RNF130: variants seen among roughly 807,000 people sequenced by gnomAD.
The protein encoded by RNF130 is E3 ubiquitin-protein ligase RNF130.
RNF130 carries 21 observed loss-of-function variants against 44.6 expected under a neutral mutation model. The ratio of observed to expected loss-of-function variants is 0.47; its 90% CI spans 0.33 to 0.68. RNF130 has a LOEUF of 0.68. Ranked by LOEUF, RNF130 falls within the 30% of genes least tolerant of loss-of-function variation. The probability of loss-of-function intolerance (pLI) is 0.02; values close to 1 mark genes in which losing one functional copy is unlikely to be tolerated. For missense variants in RNF130, 479 were observed against 560.6 expected, an observed-to-expected ratio of 0.85 and a Z score of 1.47; for synonymous variants, 214 against 210.4, an observed-to-expected ratio of 1.02 and a Z score of -0.15.
At chr5:179,939,751 A>AC (rs1163345063) in intron 7 of RNF130, 11 of 439,816 alleles carry the variant, frequency 2.5e-5, no homozygotes, top group African/African-American at 2.1e-4. Flanking sequence ...GAGAAAAACG[A>AC]CCCCCTCCCT....
intron 2 of RNF130, among the ~76,000 whole-genome samples, chr5:180,032,698 GTCCTTC>G (rs1441837096): frequency 6.6e-6 from 1 of 152,186 alleles, no homozygotes; most frequent in Non-Finnish European, 1.5e-5. Flanking sequence ...CTATATGCCT[GTCCTTC>G]TACCAATACC....
At chr5:179,993,844 T>C (rs982815589) in intron 3 of RNF130, among the ~76,000 whole-genome samples, 1 of 152,192 alleles carries the variant, frequency 6.6e-6, no homozygotes, top group South Asian at 2.1e-4. Context: ...TCTTTTAGGG[T>C]TTTTATGGTT....
intron 5 of RNF130, among the ~76,000 whole-genome samples, chr5:179,974,937 G>A (rs768681078): frequency 1.1e-4 from 17 of 152,244 alleles, no homozygotes; most frequent in Admixed American, 6.5e-4. Flanking sequence ...GCTTCCTCTG[G>A]GCAGTCAATG....
At chr5:180,021,719 T>C in intron 2 of RNF130, among the ~76,000 whole-genome samples, 1 of 152,192 alleles carries the variant, frequency 6.6e-6, no homozygotes, top group African/African-American at 2.4e-5. Context: ...AGTAAGTTCC[T>C]GGCATGATGC....
intron 1 of RNF130, among the ~76,000 whole-genome samples, chr5:180,061,042 G>A (rs1457497038): frequency 8.1e-6 from 1 of 123,904 alleles, no homozygotes; most frequent in African/African-American, 3.1e-5. Context: ...CTGCACTCCA[G>A]CCTGGGCGAC....
intron 3 of RNF130, among the ~76,000 whole-genome samples, chr5:179,984,431 A>C (rs1453390623): frequency 6.6e-6 from 1 of 152,186 alleles, no homozygotes; most frequent in Non-Finnish European, 1.5e-5. Context: ...TAGATGCCCT[A>C]ATAGTTTGAG....
intron 2 of RNF130, among the ~76,000 whole-genome samples, chr5:180,021,958 C>T (rs775037559): frequency 4.1e-4 from 63 of 152,284 alleles, no homozygotes; most frequent in African/African-American, 1.4e-3. Flanking sequence ...AACTGTCTCT[C>T]GGTCTTTCTT....
intron 2 of RNF130, among the ~76,000 whole-genome samples, chr5:180,036,192 T>C (rs1450055911): frequency 6.6e-6 from 1 of 152,184 alleles, no homozygotes; most frequent in African/African-American, 2.4e-5. Context: ...TGTCTGCTTG[T>C]TCACTTTTGT....
At chr5:179,976,526 C>G (rs1456101471) in intron 5 of RNF130, among the ~76,000 whole-genome samples, 1 of 152,156 alleles carries the variant, frequency 6.6e-6, no homozygotes, top group Non-Finnish European at 1.5e-5. Context: ...ACGTTTAGAC[C>G]GTCAATGACT....
At chr5:180,066,497 T>C (rs1765110068) in intron 1 of RNF130, among the ~76,000 whole-genome samples, 1 of 152,182 alleles carries the variant, frequency 6.6e-6, no homozygotes, top group Admixed American at 6.5e-5. Flanking sequence ...AGAACAACAC[T>C]GTCCCTCATG....
At chr5:179,922,953 C>G (rs1440626444) in intron 7 of RNF130, among the ~76,000 whole-genome samples, 1 of 152,108 alleles carries the variant, frequency 6.6e-6, no homozygotes, top group Admixed American at 6.6e-5. Flanking sequence ...CGATACAAGT[C>G]TTGCCAGACA....
chr5:180,059,279 C>T (rs941899285), intron 1 of RNF130, among the ~76,000 whole-genome samples: 3 of 152,162 alleles, frequency 2.0e-5, no homozygotes, highest in Admixed American at 6.5e-5. Flanking sequence ...TCTTCAGGGA[C>T]GCCTTGACCA....
intron 2 of RNF130, among the ~76,000 whole-genome samples, chr5:180,016,003 C>T (rs1370260322): frequency 6.6e-6 from 1 of 152,166 alleles, no homozygotes; most frequent in East Asian, 1.9e-4. Context: ...AATCCACACG[C>T]CCTCAGGAGC....
At chr5:179,933,971 G>A (rs1255336216) in intron 7 of RNF130, 3 of 376,934 alleles carry the variant, frequency 8.0e-6, no homozygotes, top group Non-Finnish European at 1.5e-5. Flanking sequence ...CCAAGTTGGG[G>A]CTGATTATGG....
chr5:179,940,591 T>G (rs1761957942), intron 7 of RNF130, among the ~76,000 whole-genome samples: 1 of 152,220 alleles, frequency 6.6e-6, no homozygotes, highest in Non-Finnish European at 1.5e-5. Flanking sequence ...TCATCTCAAT[T>G]TTAAAAACTT....
intron 7 of RNF130, among the ~76,000 whole-genome samples, chr5:179,945,014 G>A (rs146021859): frequency 1.3e-5 from 2 of 152,180 alleles, no homozygotes; most frequent in African/African-American, 2.4e-5. Flanking sequence ...GGTGGCTCAC[G>A]CCTATAATCC....
At chr5:179,930,138 A>G (rs1582125469) in intron 7 of RNF130, among the ~76,000 whole-genome samples, 1 of 151,700 alleles carries the variant, frequency 6.6e-6, no homozygotes, top group South Asian at 2.1e-4. Flanking sequence ...GCTCACTGCG[A>G]CCTCTGCCCC....
At chr5:179,948,661 C>T (rs544673604) in intron 7 of RNF130, among the ~76,000 whole-genome samples, 43 of 151,750 alleles carry the variant, frequency 2.8e-4, no homozygotes, top group African/African-American at 6.1e-4. Flanking sequence ...ATAGATAGAG[C>T]GAGACTCTGT....
intron 1 of RNF130, among the ~76,000 whole-genome samples, chr5:180,052,440 C>A (rs761264998): frequency 3.9e-5 from 6 of 152,236 alleles, no homozygotes; most frequent in Non-Finnish European, 7.3e-5. Flanking sequence ...TGCTGCCACA[C>A]ATAGGGACAC....
Sources: allele counts gnomAD v4.1 joint callset (sites outside exome capture counted in the v4.1 genomes callset), GRCh38; gene constraint gnomAD v4.1.1; transcripts MANE v1.5; gene names NCBI Gene and HGNC (gene_info 2026-07-23, HGNC 2026-07-21).